USH2A: variants seen among roughly 807,000 people sequenced by gnomAD.
USH2A encodes the protein usherin.
USH2A carries 443 observed loss-of-function variants against 538.9 expected under a neutral mutation model. That is an observed-to-expected ratio of 0.82 (90% CI 0.76 to 0.89). The LOEUF (loss-of-function observed/expected upper bound fraction) is 0.89. USH2A is among the 40% of genes least tolerant of loss of function. The pLI is 0.00. For synonymous variants in USH2A, 2,413 were observed against 2,273.5 expected (o/e 1.06, Z -1.75); for missense variants, 6,633 against 6,324.8 (o/e 1.05, Z -1.65).
At chr1:216,268,662 C>A (rs1211529535) in intron 11 of USH2A, among the ~76,000 whole-genome samples, 1 of 152,104 alleles carries the variant, frequency 6.6e-6, no homozygotes, top group Non-Finnish European at 1.5e-5. Context: ...CATTCCTACT[C>A]TTTCTTCTGC....
intron 61 of USH2A, among the ~76,000 whole-genome samples, chr1:215,726,617 A>G (rs1261269426): frequency 6.6e-6 from 1 of 152,182 alleles, no homozygotes; most frequent in Non-Finnish European, 1.5e-5. Flanking sequence ...AAGCATAGAA[A>G]CATAGTTTTT....
In USH2A at chr1:215,634,409, G is replaced by A. The variant is rs1316596710; in HGVS notation, c.15297+50C>T. ...CACATTTTTCTCAGAAGGAAAACAA[G>A]TATTCTAGTCCAGTGATAGGGAAAT... On this transcript the variant is annotated intron_variant, in intron 70 of 71. Transcript: ENST00000307340. The A allele has an allele frequency of 1.2e-5, 20 of 1,613,440 alleles. No individual in the cohort carries two copies. The Middle Eastern group carries it at 6.6e-4, about 53-fold the overall frequency.
chr1:216,133,009 A>G (rs1326984605), intron 21 of USH2A, among the ~76,000 whole-genome samples: 1 of 152,148 alleles, frequency 6.6e-6, no homozygotes, highest in African/African-American at 2.4e-5. Context: ...TGATGCGTAT[A>G]GCCCTGCTGA....
intron 4 of USH2A, among the ~76,000 whole-genome samples, chr1:216,339,521 T>A (rs2038035265): frequency 6.6e-6 from 1 of 151,744 alleles, no homozygotes; most frequent in South Asian, 2.1e-4. Context: ...TGTTTAAACA[T>A]ACTTTGAAAT....
intron 11 of USH2A, among the ~76,000 whole-genome samples, chr1:216,254,758 G>A (rs1207665338): frequency 1.3e-5 from 2 of 152,118 alleles, no homozygotes; most frequent in African/African-American, 4.8e-5. Context: ...ACTGCTGCTT[G>A]ACCAGCTAGC....
intron 30 of USH2A, among the ~76,000 whole-genome samples, chr1:216,050,560 T>TTTCTTTCTTTCTTTCTTTCTTTC (rs1553294759): frequency 2.8e-5 from 1 of 35,694 alleles, no homozygotes; most frequent in African/African-American, 7.4e-5. Flanking sequence ...ATTTGTATCT[T>TTTCTTTCTTTCTTTCTTTCTTTC]TTTCTTTCTT....
chr1:215,798,862 T>G, intron 50 of USH2A, 45 bp downstream of exon 50: 1 of 1,610,410 alleles, frequency 6.2e-7, no homozygotes, highest in South Asian at 1.1e-5. Flanking sequence ...CTCTCTCTGC[T>G]TCTCAGATCC....
intron 3 of USH2A, among the ~76,000 whole-genome samples, chr1:216,384,315 C>G (rs1330133466): frequency 6.6e-6 from 1 of 151,874 alleles, no homozygotes; most frequent in Non-Finnish European, 1.5e-5. Flanking sequence ...AGCTATTACC[C>G]AGAAGCAAAA....
chr1:215,634,738 T>C, intron 69 of USH2A, 35 bp from the exon 70 acceptor site: 1 of 1,614,192 alleles, frequency 6.2e-7, no homozygotes. Context: ...GGAAATGTTA[T>C]TTCAGAAAGC....
chr1:216,132,008 T>C (rs2033387074), intron 21 of USH2A, among the ~76,000 whole-genome samples: 1 of 152,110 alleles, frequency 6.6e-6, no homozygotes, highest in Non-Finnish European at 1.5e-5. Flanking sequence ...AAATGGGTTC[T>C]GAATCCAGGG....
Position 215,799,293 on chromosome 1 carries a change from T to C in USH2A, c.9740-168A>G, listed in dbSNP as rs545658205. ...AAATTTCCAAATGACTCCAAAGTTT[T>C]TGTGTATAAACGTGTGTCAGATCAG... On this transcript the variant is annotated intron_variant, in intron 49 of 71. Transcript: ENST00000307340. Among the ~76,000 whole-genome samples the C allele has an allele frequency of 7.4e-4, 113 of 152,348 alleles. 1 individual carries two copies. Among genetic ancestry groups the C allele is most frequent in the African/African-American group, 2.6e-3 (110 of 41,584 alleles).
intron 22 of USH2A, among the ~76,000 whole-genome samples, chr1:216,095,905 T>A (rs2032431070): frequency 6.6e-6 from 1 of 152,222 alleles, no homozygotes; most frequent in South Asian, 2.1e-4. Flanking sequence ...GAACGTTGTG[T>A]CTGCTTTACC....
At chr1:215,997,325 G>A (rs911344408) in intron 34 of USH2A, among the ~76,000 whole-genome samples, 10 of 152,154 alleles carry the variant, frequency 6.6e-5, no homozygotes, top group African/African-American at 9.6e-5. Flanking sequence ...ACTATTCAGC[G>A]GCTGACAGAT....
chr1:215,665,453 G>A (rs1279799698), intron 64 of USH2A, among the ~76,000 whole-genome samples: 1 of 152,222 alleles, frequency 6.6e-6, no homozygotes, highest in East Asian at 1.9e-4. Context: ...GTCACTGACA[G>A]CATGAATCAG....
intron 21 of USH2A, among the ~76,000 whole-genome samples, chr1:216,140,660 G>A (rs564724513): frequency 6.6e-6 from 1 of 152,242 alleles, no homozygotes; most frequent in South Asian, 2.1e-4. Flanking sequence ...GAAACATATT[G>A]GTACTATTGA....
rs80054402 is a variant in USH2A at position 216,386,111 on chromosome 1, C to G, written c.652-21026G>C. On this transcript the variant is annotated intron_variant, in intron 3 of 71. Coordinates refer to ENST00000307340, the MANE Select transcript of USH2A (RefSeq NM_206933.4). The stretch of plus-strand genomic sequence containing the variant: ...TCACTTCTAAAACCTCCACACAGTA[C>G]AGTCCTGTACATAGTGTTCTACTAG... 8.6e-3 allele frequency among the ~76,000 whole-genome samples: 1,316 copies of G among 152,312 alleles called. 7 individuals are homozygous for G. Among genetic ancestry groups the G allele is most frequent in the Middle Eastern group, 0.031 (9 of 294 alleles).
chr1:216,325,658 A>G, intron 5 of USH2A, 59 bp from the exon 6 acceptor site: 1 of 1,529,278 alleles, frequency 6.5e-7, no homozygotes, highest in Non-Finnish European at 8.9e-7. Context: ...TAGAACTTCT[A>G]GGAGTCGTTA....
Position 216,073,114 on chromosome 1 carries a change from C to A in USH2A, c.5759G>T (p.Gly1920Val). 1.2e-6 allele frequency: 2 copies of A among 1,613,760 alleles called. No homozygotes were observed. The highest frequency in any genetic ancestry group is 1.7e-6 in the Non-Finnish European group (2 of 1,179,914). The change falls in exon 28 of 72, where the codon GGT becomes GTT. Residue 1920 changes from glycine (G) to valine (V), a missense_variant. Physicochemically the swap from Gly to Val is moderately radical, Grantham distance 109. Transcript: ENST00000307340. ...CACATTACCTGTAAAAGGCTGGAGA[C>A]CACCCTCGTAAACACTCTGCTCTTT... ...QGKEQSVYEG[G>V]LQPFTEYLYR... is the part of the protein sequence containing the mutation.
At chr1:215,688,832 G>A (rs1227472212) in intron 61 of USH2A, among the ~76,000 whole-genome samples, 1 of 152,048 alleles carries the variant, frequency 6.6e-6, no homozygotes, top group Non-Finnish European at 1.5e-5. Flanking sequence ...TAGGGCTCCA[G>A]TGTATGCATT....
Sources: allele counts gnomAD v4.1 joint callset (sites outside exome capture counted in the v4.1 genomes callset), GRCh38; gene constraint gnomAD v4.1.1; transcripts MANE v1.5; gene names NCBI Gene and HGNC (gene_info 2026-07-23, HGNC 2026-07-21).